The following TENM3 variants were observed in gnomAD, a reference collection of about 807,000 sequenced individuals.
TENM3 encodes teneurin-3.
A neutral mutation model predicts 255.1 loss-of-function variants in TENM3; 63 were observed. The observed-to-expected ratio is 0.25, with a 90% CI of 0.20 to 0.30. The LOEUF (loss-of-function observed/expected upper bound fraction) is 0.30, where lower values mean the gene tolerates loss of function less well. Among genes scored for constraint, TENM3 ranks in the 10% least tolerant of loss-of-function variants. The pLI, the probability that TENM3 is intolerant of heterozygous loss-of-function variation, is 1.00. For synonymous variants in TENM3, 1,306 were observed against 1,322.3 expected, an observed-to-expected ratio of 0.99 and a Z score of 0.27; for missense variants, 2,929 against 3,461.1, an observed-to-expected ratio of 0.85 and a Z score of 3.86.
chr4:182,087,721 G>C, the TENM3 span, among the ~76,000 whole-genome samples: 1 of 151,884 alleles, frequency 6.6e-6, no homozygotes, highest in Non-Finnish European at 1.5e-5. Context: ...TTGACCCTTG[G>C]CACACATTGC....
chr4:182,328,490 A>G (rs182304730), intron 2 of TENM3, among the ~76,000 whole-genome samples: 2 of 152,316 alleles, frequency 1.3e-5, no homozygotes, highest in Admixed American at 1.3e-4. Flanking sequence ...TGCTAGGATT[A>G]CAGGCGTGAG....
intron 1 of TENM3, among the ~76,000 whole-genome samples, chr4:182,304,606 C>A (rs1479391592): frequency 6.6e-6 from 1 of 152,102 alleles, no homozygotes; most frequent in Admixed American, 6.5e-5. Context: ...CTGCTGTGTA[C>A]AAGACACAAA....
At chr4:181,739,425 G>C in the TENM3 span, among the ~76,000 whole-genome samples, 4 of 152,112 alleles carry the variant, frequency 2.6e-5, no homozygotes, top group African/African-American at 9.7e-5. Flanking sequence ...AACTATACTT[G>C]CTTTCATATA....
chr4:181,655,461 T>C, the TENM3 span, among the ~76,000 whole-genome samples: 1 of 152,128 alleles, frequency 6.6e-6, no homozygotes, highest in Admixed American at 6.6e-5. Flanking sequence ...CCAGACATCA[T>C]GCAAGGCAAT....
chr4:181,450,215 A>G, the TENM3 span, among the ~76,000 whole-genome samples: 2 of 152,194 alleles, frequency 1.3e-5, no homozygotes, highest in Admixed American at 6.5e-5. Context: ...CCGTAGCAAC[A>G]TTTATAATCA....
At chr4:182,257,732 A>G (rs1159860331) in intron 1 of TENM3, among the ~76,000 whole-genome samples, 3 of 152,210 alleles carry the variant, frequency 2.0e-5, no homozygotes, top group Admixed American at 6.5e-5. Context: ...TGAGATGGGT[A>G]TTACCACCCT....
chr4:182,078,504 AG>A, the TENM3 span, among the ~76,000 whole-genome samples: 2 of 152,140 alleles, frequency 1.3e-5, no homozygotes, highest in Non-Finnish European at 2.9e-5. Flanking sequence ...CCTGGACAAC[AG>A]AGCGAGACTC....
the TENM3 span, among the ~76,000 whole-genome samples, chr4:181,881,227 T>C: frequency 6.6e-6 from 1 of 152,120 alleles, no homozygotes; most frequent in Non-Finnish European, 1.5e-5. Context: ...CCTTCGGGAA[T>C]GGAGATTTAA....
intron 1 of TENM3, among the ~76,000 whole-genome samples, chr4:182,288,216 A>G (rs149188818): frequency 0.028 from 4,298 of 152,192 alleles, 203 homozygotes; most frequent in African/African-American, 0.097. Flanking sequence ...GATTACAGGC[A>G]TGAGCCACTG....
intron 3 of TENM3, among the ~76,000 whole-genome samples, chr4:182,365,116 G>GTC (rs1242648776): frequency 6.6e-6 from 1 of 152,196 alleles, no homozygotes; most frequent in Non-Finnish European, 1.5e-5. Context: ...GATGAAACGT[G>GTC]TCTTACCTTT....
chr4:182,114,911 G>C, the TENM3 span, among the ~76,000 whole-genome samples: 3 of 152,152 alleles, frequency 2.0e-5, no homozygotes, highest in Non-Finnish European at 4.4e-5. Flanking sequence ...GCCAGGCAAA[G>C]TGGCTCATGC....
At chr4:181,505,265 AT>A in the TENM3 span, among the ~76,000 whole-genome samples, 101 of 152,318 alleles carry the variant, frequency 6.6e-4, no homozygotes, top group African/African-American at 2.0e-3. Flanking sequence ...AATTGTTAAA[AT>A]GCTGGTAGCT....
chr4:182,340,605 T>G (rs1764426786), intron 2 of TENM3, among the ~76,000 whole-genome samples: 1 of 152,238 alleles, frequency 6.6e-6, no homozygotes. Context: ...GGTGACACAT[T>G]TAACATAAAA....
chr4:182,482,705 A>G (rs922461709), intron 3 of TENM3, among the ~76,000 whole-genome samples: 13 of 152,214 alleles, frequency 8.5e-5, no homozygotes, highest in Admixed American at 6.5e-4. Flanking sequence ...ACACACCTGC[A>G]TTATTTGAGA....
chr4:182,307,660 G>A (rs1190789379), intron 1 of TENM3, among the ~76,000 whole-genome samples: 1 of 152,076 alleles, frequency 6.6e-6, no homozygotes, highest in African/African-American at 2.4e-5. Context: ...AGCCGTGGTG[G>A]GCAAAATTAG....
intron 9 of TENM3, 41 bp from the exon 10 acceptor site, chr4:182,680,502 A>T: frequency 6.2e-7 from 1 of 1,604,032 alleles, no homozygotes; most frequent in Non-Finnish European, 8.5e-7. Flanking sequence ...AGCTCGGTGG[A>T]AAGTGTGGCT....
the TENM3 span, among the ~76,000 whole-genome samples, chr4:181,546,613 C>T: frequency 2.8e-5 from 4 of 140,436 alleles, no homozygotes; most frequent in African/African-American, 1.1e-4. Flanking sequence ...ACTCGGGAGG[C>T]TGAGGCAGGA....
chr4:181,588,232 CCTT>C, the TENM3 span, among the ~76,000 whole-genome samples: 8 of 152,290 alleles, frequency 5.3e-5, no homozygotes, highest in African/African-American at 1.7e-4. Flanking sequence ...GGAAGGCAAT[CCTT>C]CTCCGCACAT....
chr4:182,478,209 T>C (rs1308222987), intron 3 of TENM3, among the ~76,000 whole-genome samples: 1 of 152,138 alleles, frequency 6.6e-6, no homozygotes, highest in Admixed American at 6.5e-5. Flanking sequence ...ATTTTCATAC[T>C]ACTCTCATTC....
Sources: allele counts gnomAD v4.1 joint callset (sites outside exome capture counted in the v4.1 genomes callset), GRCh38; gene constraint gnomAD v4.1.1; transcripts MANE v1.5; gene names NCBI Gene and HGNC (gene_info 2026-07-23, HGNC 2026-07-21).